NAA15: variants seen among roughly 807,000 people sequenced by gnomAD.
The protein encoded by NAA15 is N-alpha-acetyltransferase 15, NatA auxiliary subunit.
In NAA15, 34 loss-of-function variants were observed where a neutral mutation model predicts 114.0. The ratio of observed to expected loss-of-function variants is 0.30; its 90% CI spans 0.23 to 0.40. The LOEUF (loss-of-function observed/expected upper bound fraction) is 0.40. Among genes scored for constraint, NAA15 ranks in the 10% least tolerant of loss-of-function variants. The pLI is 1.00. For synonymous variants in NAA15, 340 were observed against 338.0 expected (o/e 1.01, Z -0.06); for missense variants, 658 against 1,004.5 (o/e 0.66, Z 4.66).
At chr4:139,305,247 T>G (rs908969535) in intron 1 of NAA15, among the ~76,000 whole-genome samples, 3 of 152,224 alleles carry the variant, frequency 2.0e-5, no homozygotes, top group Non-Finnish European at 2.9e-5. Flanking sequence ...ATCACAGTGC[T>G]GAAGATCTAT....
At chr4:139,331,617 A>AT (rs34467609) in intron 1 of NAA15, among the ~76,000 whole-genome samples, 26,206 of 127,774 alleles carry the variant, frequency 0.21, 2,945 homozygotes, top group Non-Finnish European at 0.25. Flanking sequence ...TGCCCGGCTA[A>AT]TTTTTTTTTT....
At chr4:139,339,420 C>T (rs978434580) in intron 3 of NAA15, among the ~76,000 whole-genome samples, 1 of 152,044 alleles carries the variant, frequency 6.6e-6, no homozygotes, top group Non-Finnish European at 1.5e-5. Flanking sequence ...TTGTTTGAGC[C>T]CAGGAGTTTG....
intron 1 of NAA15, among the ~76,000 whole-genome samples, chr4:139,326,002 A>G (rs545626084): frequency 2.6e-5 from 4 of 152,376 alleles, no homozygotes; most frequent in South Asian, 2.1e-4. Flanking sequence ...AAACTATTCC[A>G]TAAGTTTTGG....
Position 139,385,084 on chromosome 4 carries a change from A to G in NAA15, c.2302+106A>G, listed in dbSNP as rs1194245230. ...TTTTAGAATGGAAGAGGCAGTGTGT[A>G]TATGTTACATTGTGATCGTATGAAA... On this transcript the variant is annotated intron_variant, in intron 18 of 19. Coordinates refer to ENST00000296543, the MANE Select transcript of NAA15 (RefSeq NM_057175.5). 9 of 963,582 alleles carry G rather than the reference A, an allele frequency of 9.3e-6. No individual in the cohort carries two copies. The East Asian group carries it at 2.4e-4, about 25-fold the overall frequency. The allele number at this position is 963,582 out of a possible 1,614,324, so 59.7% of individuals were successfully genotyped here.
At chr4:139,357,604 G>C (rs1747998658) in intron 11 of NAA15, 49 bp downstream of exon 11, 1 of 1,219,702 alleles carries the variant, frequency 8.2e-7, no homozygotes, top group African/African-American at 1.5e-5. Context: ...GACTTGTCAT[G>C]AACTTTTTCT....
intron 17 of NAA15, among the ~76,000 whole-genome samples, chr4:139,380,818 G>A (rs1053981098): frequency 1.3e-5 from 2 of 152,086 alleles, no homozygotes; most frequent in Non-Finnish European, 2.9e-5. Context: ...GAAAACGGGT[G>A]TACTATAAAG....
chr4:139,304,311 A>G (rs1745931707), intron 1 of NAA15, among the ~76,000 whole-genome samples: 1 of 152,278 alleles, frequency 6.6e-6, no homozygotes, highest in East Asian at 1.9e-4. Flanking sequence ...CACTTTACTC[A>G]GTTTTCCCAA....
intron 15 of NAA15, among the ~76,000 whole-genome samples, chr4:139,374,963 C>T (rs571099905): frequency 6.6e-6 from 1 of 152,244 alleles, no homozygotes; most frequent in African/African-American, 2.4e-5. Context: ...CCTTGTTTCC[C>T]TTTGTAATAG....
intron 2 of NAA15, 145 bp from the exon 3 acceptor site, chr4:139,336,703 G>A: frequency 4.8e-6 from 2 of 417,634 alleles, no homozygotes; most frequent in Non-Finnish European, 4.1e-6. Flanking sequence ...CTGCAAGAAA[G>A]TGGAAAGTAT....
At position 139,349,510 on chromosome 4, in the gene NAA15, A is replaced by G; in HGVS notation, c.740A>G (p.Tyr247Cys). The change falls in exon 7 of 20, where the codon TAT (tyrosine) becomes TGT (cysteine). Residue 247 changes from tyrosine (Y) to cysteine (C), a missense_variant. Tyr to Cys is a radical substitution (Grantham distance 194). Around this residue, in one of 6 missense-constraint regions of NAA15, gnomAD observed 281 missense variants for 389.1 expected, o/e 0.72. Transcript: ENST00000296543. ...CGTTTGGAAGATGCTGCAGATGTTTATAGAGGATTGCAAGAGAGAAATCCT... is the reference window on the plus strand; with the variant it reads ...CGTTTGGAAGATGCTGCAGATGTTTGTAGAGGATTGCAAGAGAGAAATCCT... ...LCRLEDAADV[Y>C]RGLQERNPEN... 6.2e-7 allele frequency: 1 copy of G among 1,611,650 alleles called. No homozygotes were observed. Among genetic ancestry groups the G allele is most frequent in the Non-Finnish European group, 8.5e-7 (1 of 1,179,218 alleles).
chr4:139,308,950 C>G (rs966915083), intron 1 of NAA15, among the ~76,000 whole-genome samples: 1 of 151,810 alleles, frequency 6.6e-6, no homozygotes. Context: ...ATAAATTATC[C>G]CTTAAAAGTA....
chr4:139,373,247 A>G (rs1008178281), intron 15 of NAA15, among the ~76,000 whole-genome samples: 1 of 152,162 alleles, frequency 6.6e-6, no homozygotes, highest in Non-Finnish European at 1.5e-5. Flanking sequence ...GGTAAAGTCT[A>G]CTACACACTT....
intron 1 of NAA15, among the ~76,000 whole-genome samples, chr4:139,303,048 GT>G (rs1485207118): frequency 2.6e-5 from 4 of 152,200 alleles, no homozygotes; most frequent in African/African-American, 9.6e-5. Context: ...TGGGGATTCA[GT>G]TTTTCTAGAA....
At chr4:139,363,820 T>C (rs1748203297) in intron 14 of NAA15, among the ~76,000 whole-genome samples, 2 of 152,258 alleles carry the variant, frequency 1.3e-5, no homozygotes, top group South Asian at 4.1e-4. Flanking sequence ...GTTATTGTTC[T>C]TTTACATTTT....
At chr4:139,323,223 ATTG>A (rs760871244) in intron 1 of NAA15, among the ~76,000 whole-genome samples, 9 of 151,316 alleles carry the variant, frequency 5.9e-5, no homozygotes, top group Non-Finnish European at 5.9e-5. Flanking sequence ...TGCCCAGCTA[ATTG>A]TTGTATTTTT....
At chr4:139,387,851 C>T (rs774867725) in intron 19 of NAA15, 33 bp from the exon 20 acceptor site, 21 of 1,547,986 alleles carry the variant, frequency 1.4e-5, no homozygotes. Flanking sequence ...CTTTTTTTGA[C>T]CAGTTACAAC....
chr4:139,376,526 G>A, intron 16 of NAA15, 53 bp downstream of exon 16: 1 of 1,112,674 alleles, frequency 9.0e-7, no homozygotes, highest in East Asian at 2.4e-5. Flanking sequence ...GTATTTCTTA[G>A]GTATAGTCAC....
intron 15 of NAA15, among the ~76,000 whole-genome samples, chr4:139,371,841 C>T (rs1748448610): frequency 6.6e-6 from 1 of 152,150 alleles, no homozygotes. Flanking sequence ...TGTCTACTTA[C>T]TTTTCCCTTT....
intron 1 of NAA15, among the ~76,000 whole-genome samples, chr4:139,302,852 G>A: frequency 6.6e-6 from 1 of 152,272 alleles, no homozygotes; most frequent in Non-Finnish European, 1.5e-5. Flanking sequence ...TTAACACATT[G>A]TAGCACATTT....
Sources: gnomAD v4.1 joint callset for allele counts (sites outside exome capture counted in the v4.1 genomes callset) on GRCh38, gnomAD v4.1.1 for gene constraint, gnomAD v4.1.1 regional missense constraint, MANE v1.5 for transcripts, NCBI Gene and HGNC (gene_info 2026-07-23, HGNC 2026-07-21) for gene names.